Variants in ZNF469 observed in about 807,000 individuals in gnomAD.
ZNF469 encodes zinc finger protein 469.
A neutral mutation model predicts 1.0 loss-of-function variants in ZNF469; 1 was observed. That is an observed-to-expected ratio of 1.00 (90% confidence interval 0.35 to 4.73). ZNF469 has a LOEUF of 4.73. Among genes scored for constraint, ZNF469 ranks in the 30% most tolerant of loss-of-function variants. The pLI is 0.16. For synonymous variants in ZNF469, 2,703 were observed against 2,363.4 expected, an observed-to-expected ratio of 1.14 and a Z score of -4.17; for missense variants, 6,100 against 5,356.3, an observed-to-expected ratio of 1.14 and a Z score of -4.33.
In ZNF469 at chr16:88,427,424, G is replaced by GC; in HGVS notation, c.-41dup. The GC allele has an allele frequency of 2.1e-6, 3 of 1,443,126 alleles. No individual in the cohort carries two copies. Among genetic ancestry groups the GC allele is most frequent in the Non-Finnish European group, 2.7e-6 (3 of 1,101,120 alleles). 89.4% of individuals were successfully genotyped at this position (1,443,126 alleles called of 1,614,324 possible). ...ATGGCCGTCCAGCCCACTCCCCAGG[G>GC]CCCCCCTCGGACAGCTGCGTCGTCC... On this transcript the variant is annotated 5_prime_UTR_variant, in exon 3 of 3. An upstream open reading frame in the 5' UTR loses its in-frame stop. Coordinates refer to ENST00000565624, the MANE Select transcript of ZNF469 (RefSeq NM_001367624.2).
At chr16:88,337,462 G>A in the ZNF469 span, among the ~76,000 whole-genome samples, 12 of 152,334 alleles carry the variant, frequency 7.9e-5, no homozygotes, top group African/African-American at 2.6e-4. Context: ...CCAGTCTCGG[G>A]TATGTCTTTA....
chr16:88,435,469 G>A lies in ZNF469; in HGVS notation c.7999G>A (p.Ala2667Thr), dbSNP rs1906504041. The change falls in exon 3 of 3, where the codon GCA becomes ACA. Residue 2667 changes from alanine (A) to threonine (T), a missense_variant. Ala to Thr is a moderately conservative substitution (Grantham distance 58). Transcript: ENST00000565624. ...TGGGCGCGGCTCCAGACCATCCCCT[G>A]CAATGGCCAGTTACGCAGCCTCTCC... The part of the protein sequence containing the change: ...SDGRGSRPSP[A>T]MASYAASPSH... The A allele has an allele frequency of 6.5e-7, 1 of 1,549,542 alleles. No homozygotes were observed. The highest frequency in any genetic ancestry group is 8.7e-7 in the Non-Finnish European group (1 of 1,146,980).
chr16:88,229,636 C>CGCGG, the ZNF469 span, among the ~76,000 whole-genome samples: 1 of 124,306 alleles, frequency 8.0e-6, no homozygotes. Context: ...GTGGATGTCA[C>CGCGG]GTGTGTGTGC....
rs1465933813 is a variant in ZNF469 at position 88,432,625 on chromosome 16, G to A, written c.5155G>A (p.Asp1719Asn). ...QAEGDSRPPQ[D>N]VCLPEPSKQP... ...AGAAGGAGACAGCAGGCCCCCCCAA[G>A]ATGTCTGCCTGCCTGAGCCCAGCAA... Residue 1719 changes from aspartate to asparagine, a missense_variant, in exon 3 of 3, where the codon GAT becomes AAT. Transcript: ENST00000565624. 1 of 1,550,424 alleles carries A rather than the reference G, an allele frequency of 6.4e-7. No individual in the cohort carries two copies. The highest frequency in any genetic ancestry group is 2.4e-5 in the East Asian group (1 of 40,922).
At chr16:88,326,661 G>C in the ZNF469 span, among the ~76,000 whole-genome samples, 1 of 152,164 alleles carries the variant, frequency 6.6e-6, no homozygotes, top group African/African-American at 2.4e-5. Context: ...GCACTCACAT[G>C]GAGGCCTCGG....
chr16:88,261,451 CAG>C, the ZNF469 span, among the ~76,000 whole-genome samples: 6 of 152,178 alleles, frequency 3.9e-5, no homozygotes, highest in Non-Finnish European at 7.4e-5. This position sits in a 1 kb window ranked among gnomAD's most constrained non-coding sequence, Gnocchi z 6.0. Context: ...GAGGAATTGC[CAG>C]AGGCGGGGGA....
intron 2 of ZNF469, among the ~76,000 whole-genome samples, chr16:88,425,465 AGGGCAGGAGATG>A (rs1905659570): frequency 1.3e-5 from 2 of 148,836 alleles, no homozygotes; most frequent in African/African-American, 5.2e-5. Context: ...GGAGATGTGC[AGGGCAGGAGATG>A]TGCAGGGCAG....
chr16:88,128,443 C>G, the ZNF469 span, among the ~76,000 whole-genome samples: 4 of 152,174 alleles, frequency 2.6e-5, no homozygotes, highest in Admixed American at 2.6e-4. Context: ...GCTGTTCTCA[C>G]CCTCCAACCC....
chr16:88,114,261 C>CACTCACTGCGGGGGTT, the ZNF469 span, among the ~76,000 whole-genome samples: 1 of 140,378 alleles, frequency 7.1e-6, no homozygotes, highest in Non-Finnish European at 1.5e-5. Flanking sequence ...CTGCGGGTGT[C>CACTCACTGCGGGGGTT]TCCGGGGAGA....
At chr16:88,237,204 TCCTGCCAGTCACCCTCCCTGCCCTCTG>T in the ZNF469 span, among the ~76,000 whole-genome samples, 16 of 32,858 alleles carry the variant, frequency 4.9e-4, 3 homozygotes, top group South Asian at 9.8e-4. Flanking sequence ...CCCTCTGTGC[TCCTGCCAGTCACCCTCCCTGCCCTCTG>T]TGCTCCTGCC....
At chr16:88,215,383 A>ATTTTTTTTTTT in the ZNF469 span, among the ~76,000 whole-genome samples, 20 of 94,162 alleles carry the variant, frequency 2.1e-4, no homozygotes, top group Non-Finnish European at 2.7e-4. Flanking sequence ...TTGCCTTTTA[A>ATTTTTTTTTTT]TTTTTTTTTT....
chr16:88,211,575 T>G, the ZNF469 span, among the ~76,000 whole-genome samples: 1 of 152,220 alleles, frequency 6.6e-6, no homozygotes, highest in Admixed American at 6.5e-5. Context: ...GTTTCTCTGA[T>G]GTGTACTGAT....
the ZNF469 span, among the ~76,000 whole-genome samples, chr16:88,222,141 T>G: frequency 6.6e-6 from 1 of 152,182 alleles, no homozygotes; most frequent in Non-Finnish European, 1.5e-5. Context: ...GCAGCTGAAA[T>G]GCAGTTTCAG....
At chr16:88,292,964 C>T in the ZNF469 span, among the ~76,000 whole-genome samples, 18 of 152,276 alleles carry the variant, frequency 1.2e-4, no homozygotes, top group African/African-American at 4.1e-4. Context: ...TTGGGGAGGC[C>T]CTGGGGTCTT....
chr16:88,253,280 C>T, the ZNF469 span, among the ~76,000 whole-genome samples: 1 of 152,144 alleles, frequency 6.6e-6, no homozygotes, highest in African/African-American at 2.4e-5. Context: ...CTATTAGAAA[C>T]CCTCGCAGAG....
chr16:88,328,846 G>A, the ZNF469 span, among the ~76,000 whole-genome samples: 1 of 152,150 alleles, frequency 6.6e-6, no homozygotes, highest in African/African-American at 2.4e-5. Flanking sequence ...GAAAACAGCT[G>A]GGGCAGGCGG....
chr16:88,366,313 A>G, the ZNF469 span, among the ~76,000 whole-genome samples: 1 of 151,776 alleles, frequency 6.6e-6, no homozygotes, highest in East Asian at 1.9e-4. Context: ...CATCATCACT[A>G]TCACCGTCAT....
the ZNF469 span, among the ~76,000 whole-genome samples, chr16:88,144,798 T>C: frequency 6.6e-6 from 1 of 152,180 alleles, no homozygotes. Flanking sequence ...GACGTGTCCA[T>C]ATTCTAGAGT....
chr16:88,263,913 G>A, the ZNF469 span, among the ~76,000 whole-genome samples: 1 of 152,078 alleles, frequency 6.6e-6, no homozygotes, highest in African/African-American at 2.4e-5. Context: ...GCTGACCTGC[G>A]TGGCCATGAG....
Sources: allele counts gnomAD v4.1 joint callset (sites outside exome capture counted in the v4.1 genomes callset), GRCh38; gene constraint gnomAD v4.1.1; non-coding constraint Gnocchi (gnomAD v3.1); transcripts MANE v1.5; gene names NCBI Gene and HGNC (gene_info 2026-07-23, HGNC 2026-07-21).